ZNF331: variants seen among roughly 807,000 people sequenced by gnomAD.
The protein encoded by ZNF331 is C2H2-like zinc finger protein rearranged in thyroid adenomas.
In ZNF331, 2 loss-of-function variants were observed where a neutral mutation model predicts 7.0. That is an observed-to-expected ratio of 0.29 (90% CI 0.12 to 0.90). The LOEUF is 0.90. Ranked by LOEUF, ZNF331 falls within the 40% of genes least tolerant of loss-of-function variation. ZNF331 has a pLI of 0.58. For missense variants in ZNF331, 432 were observed against 587.7 expected (o/e 0.74, Z 2.74); for synonymous variants, 196 against 205.4 (o/e 0.95, Z 0.39).
chr19:53,551,773 A>C (rs967235270), intron 2 of ZNF331, among the ~76,000 whole-genome samples: 2 of 152,200 alleles, frequency 1.3e-5, no homozygotes, highest in African/African-American at 4.8e-5. Flanking sequence ...CATAGCATAT[A>C]AGATAATTTA....
chr19:53,539,487 G>A lies in ZNF331; in HGVS notation c.-138+205G>A. ...ACCCCTGAGTGGGAGTGCACAGTGAGTGCTGCTGTTTTGTGCTAAGTCTGG... is the reference window on the plus strand; with the variant it reads ...ACCCCTGAGTGGGAGTGCACAGTGAATGCTGCTGTTTTGTGCTAAGTCTGG... On this transcript the variant is annotated intron_variant, in intron 2 of 5. Coordinates refer to ENST00000449416, the MANE Select transcript of ZNF331 (RefSeq NM_001079906.2). This position sits in a 1 kb window ranked among gnomAD's most constrained non-coding sequence, Gnocchi z 6.1. The A allele has an allele frequency of 6.6e-6, 1 of 152,158 alleles. No individual in the cohort carries two copies. Among genetic ancestry groups the A allele is most frequent in the East Asian group, 1.9e-4 (1 of 5,192 alleles). The allele number at this position is 152,158 out of a possible 1,614,324, so 9.4% of individuals were successfully genotyped here.
At chr19:53,520,086 C>T (rs1192851339), upstream of ZNF331, among the ~76,000 whole-genome samples, 2 of 151,978 alleles carry the variant, frequency 1.3e-5, no homozygotes, top group South Asian at 2.1e-4. Context: ...TCACTCTTAT[C>T]GCCCAGGCTG....
rs1414666729 is a variant in ZNF331, at chr19:53,569,276, G to A, written c.-73-28G>A. On this transcript the variant is annotated intron_variant, in intron 3 of 5. Transcript: ENST00000449416. ...ACTATGGGGACCCCAGATGCACCTC[G>A]TTTTAATCTCTTTTTTTCCACCCCT... The A allele has an allele frequency of 7.2e-6, 10 of 1,396,456 alleles. No individual in the cohort carries two copies. In the Admixed American group the frequency reaches 9.0e-5, roughly 13 times the overall value. 86.5% of individuals were successfully genotyped at this position (1,396,456 alleles called of 1,614,324 possible).
At position 53,558,927 on chromosome 19, in the gene ZNF331, CAT is replaced by C. The variant is rs1407148214; in HGVS notation, c.-74+3021_-74+3022del. ...ATACACACCTACATATATACACACA[CAT>C]ACACACCATACACACATATACACAT... On this transcript the variant is annotated intron_variant, in intron 3 of 5. Coordinates refer to ENST00000449416, the MANE Select transcript of ZNF331 (RefSeq NM_001079906.2). This position sits in a 1 kb window ranked among gnomAD's most constrained non-coding sequence, Gnocchi z 4.5. Among the ~76,000 whole-genome samples, 5 of 118,854 alleles carry C rather than the reference CAT, an allele frequency of 4.2e-5. No homozygotes were observed. Among genetic ancestry groups the C allele is most frequent in the South Asian group, 4.6e-4 (2 of 4,386 alleles). The allele number at this position is 118,854 out of a possible 152,430, so 78.0% of individuals were successfully genotyped here. A position where few individuals can be genotyped will look rare whatever the true frequency, so the allele number is the denominator to read the frequency against.
At chr19:53,536,549 C>T (rs1600242717), upstream of ZNF331, among the ~76,000 whole-genome samples, 2 of 152,194 alleles carry the variant, frequency 1.3e-5, no homozygotes. Context: ...CATTGTATAA[C>T]AGACCATGGT....
At chr19:53,547,596 C>G (rs531940564) in intron 2 of ZNF331, among the ~76,000 whole-genome samples, 1 of 152,202 alleles carries the variant, frequency 6.6e-6, no homozygotes, top group South Asian at 2.1e-4. Context: ...TTTCAGGCAT[C>G]TCCACGGTGT....
At chr19:53,548,305 G>A (rs952640034) in intron 2 of ZNF331, among the ~76,000 whole-genome samples, 1 of 152,142 alleles carries the variant, frequency 6.6e-6, no homozygotes, top group South Asian at 2.1e-4. Context: ...TAGAGACAGG[G>A]TTTCACCCTG....
intron 2 of ZNF331, among the ~76,000 whole-genome samples, chr19:53,529,198 G>A (rs555257131): frequency 4.6e-4 from 70 of 152,140 alleles, no homozygotes; most frequent in African/African-American, 1.6e-3. Context: ...TCAGGAGATC[G>A]AGACCATCCT....
intron 2 of ZNF331, among the ~76,000 whole-genome samples, chr19:53,540,536 G>A (rs965878255): frequency 1.3e-5 from 2 of 152,116 alleles, no homozygotes; most frequent in Non-Finnish European, 2.9e-5. Context: ...AGATTCAAGT[G>A]ATTCTCCCGC....
chr19:53,559,021 C>T (rs111219549), intron 3 of ZNF331, among the ~76,000 whole-genome samples: 42,253 of 150,400 alleles, frequency 0.28, 6,078 homozygotes, highest in Middle Eastern at 0.32. Flanking sequence ...TACATACCTA[C>T]ATATAGAGAC....
At chr19:53,524,321 T>C (rs187853834) in intron 2 of ZNF331, among the ~76,000 whole-genome samples, 2 of 152,338 alleles carry the variant, frequency 1.3e-5, no homozygotes, top group African/African-American at 4.8e-5. Flanking sequence ...TAGTTCTAGA[T>C]TCTTGAGGAA....
rs2089609103 is a variant in ZNF331, at chr19:53,558,923, C to A, written c.-74+3015C>A. On this transcript the variant is annotated intron_variant, in intron 3 of 5. Transcript: ENST00000449416. The surrounding 1 kb of genome is among the most constrained non-coding windows in gnomAD (Gnocchi z 4.5). ...ACCTATACACACCTACATATATACACACACATACACACCATACACACATAT... is the reference window on the plus strand; with the variant it reads ...ACCTATACACACCTACATATATACAAACACATACACACCATACACACATAT... Among the ~76,000 whole-genome samples the A allele has an allele frequency of 1.5e-5, 2 of 130,076 alleles. No homozygotes were observed. The highest frequency in any genetic ancestry group is 7.5e-5 in the African/African-American group (2 of 26,692). The allele number at this position is 130,076 out of a possible 152,430, so 85.3% of individuals were successfully genotyped here. A position where few individuals can be genotyped will look rare whatever the true frequency, so the allele number is the denominator to read the frequency against.
At chr19:53,521,331 A>AGTGTGAGTGTGTGTGTGTGTGTGTGT (rs1555748068) in exon 1 of ZNF331, 5 of 129,114 alleles carry the variant, frequency 3.9e-5, no homozygotes, top group African/African-American at 1.5e-4. Flanking sequence ...AGTGTGTGTG[A>AGTGTGAGTGTGTGTGTGTGTGTGTGT]GTGTGTGTGT....
chr19:53,519,493 A>T (rs1166526923), upstream of ZNF331, among the ~76,000 whole-genome samples: 2 of 152,188 alleles, frequency 1.3e-5, no homozygotes, highest in African/African-American at 4.8e-5. Context: ...CAACTACAAA[A>T]ACCATCCCTA....
At chr19:53,559,063 AC>A (rs1322866805) in intron 3 of ZNF331, among the ~76,000 whole-genome samples, 1 of 150,554 alleles carries the variant, frequency 6.6e-6, no homozygotes, top group Non-Finnish European at 1.5e-5. Flanking sequence ...ATACAAACAC[AC>A]CCCGTATACA....
At position 53,566,284 on chromosome 19, in the gene ZNF331, A is replaced by AGGTTT. The variant is rs570144876; in HGVS notation, c.-73-2999_-73-2995dup. On this transcript the variant is annotated intron_variant, in intron 3 of 5. Transcript: ENST00000449416. ...AAGCTCACCAGAGTCTGCTGGTGCA[A>AGGTTT]GGTTTGGTTTGGTTTGGTTTGGTTT... Among the ~76,000 whole-genome samples, 268 of 152,012 alleles carry AGGTTT rather than the reference A, an allele frequency of 1.8e-3. 1 individual carries two copies. The highest frequency in any genetic ancestry group is 6.2e-3 in the African/African-American group (257 of 41,446).
chr19:53,512,458 G>T, the ZNF331 span: 1 of 152,194 alleles, frequency 6.6e-6, no homozygotes, highest in Admixed American at 6.5e-5. Flanking sequence ...GTGGTGGCAG[G>T]TGGTCTCCTG....
At chr19:53,534,470 A>G (rs1030174218), upstream of ZNF331, among the ~76,000 whole-genome samples, 2 of 151,942 alleles carry the variant, frequency 1.3e-5, no homozygotes, top group Admixed American at 6.6e-5. Flanking sequence ...GTATTTTTTT[A>G]GTAGATGGGG....
chr19:53,562,832 AC>A (rs1192289095), intron 3 of ZNF331, among the ~76,000 whole-genome samples: 3 of 151,894 alleles, frequency 2.0e-5, no homozygotes, highest in Admixed American at 1.3e-4. Context: ...TACTAAAAAT[AC>A]AAAAAATAGC....
Sources: gnomAD v4.1 joint callset for allele counts (sites outside exome capture counted in the v4.1 genomes callset) on GRCh38, gnomAD v4.1.1 for gene constraint, Gnocchi (gnomAD v3.1) non-coding constraint, MANE v1.5 for transcripts, NCBI Gene and HGNC (gene_info 2026-07-23, HGNC 2026-07-21) for gene names.